Variants in ZNF831 observed in about 807,000 individuals in gnomAD.
ZNF831 encodes the protein chromosome 20 open reading frame 174.
A neutral mutation model predicts 95.8 loss-of-function variants in ZNF831; 59 were observed. The observed-to-expected ratio is 0.62, with a 90% CI of 0.50 to 0.77. The LOEUF (loss-of-function observed/expected upper bound fraction) is 0.77, where lower values mean the gene tolerates loss of function less well. Among genes scored for constraint, ZNF831 ranks in the 30% least tolerant of loss-of-function variants. The pLI is 0.00. For synonymous variants in ZNF831, 961 were observed against 925.5 expected (o/e 1.04, Z -0.70); for missense variants, 2,205 against 2,164.0 (o/e 1.02, Z -0.38).
intron 2 of ZNF831, among the ~76,000 whole-genome samples, chr20:59,195,625 T>C (rs990361958): frequency 6.6e-6 from 1 of 152,190 alleles, no homozygotes; most frequent in East Asian, 1.9e-4. Context: ...GGCCTCCAGT[T>C]AACACCGATG....
chr20:59,238,209 T>G (rs541084727), intron 4 of ZNF831, among the ~76,000 whole-genome samples: 19 of 152,278 alleles, frequency 1.2e-4, no homozygotes, highest in African/African-American at 4.6e-4. Context: ...CCTGATCAGT[T>G]TGGGCATTCC....
At chr20:59,238,851 CCT>C (rs35875036) in intron 4 of ZNF831, among the ~76,000 whole-genome samples, 61,439 of 151,834 alleles carry the variant, frequency 0.4, 12,590 homozygotes, top group South Asian at 0.65. Flanking sequence ...GATTTCTTTC[CCT>C]GAGATAAGTT....
intron 3 of ZNF831, among the ~76,000 whole-genome samples, chr20:59,200,742 C>CT (rs34023348): frequency 7.9e-5 from 12 of 151,564 alleles, no homozygotes; most frequent in South Asian, 2.1e-4. Context: ...TATATGCTCT[C>CT]TTTTTTTTGC....
In ZNF831 at chr20:59,253,082, C is replaced by T; in HGVS notation, c.4132C>T (p.Leu1378Phe). The T allele has an allele frequency of 1.2e-6, 2 of 1,614,094 alleles. No individual in the cohort carries two copies. The highest frequency in any genetic ancestry group is 1.7e-5 in the Admixed American group (1 of 60,018). ...TGACTGCAGACAAACCTTAGGAACC[C>T]TCTCTCTTGGTACAAGTTCAAGAAT... ...EGDCRQTLGT[L>F]SLGTSSRIVR... Residue 1378 changes from leucine (L) to phenylalanine (F), a missense_variant, in exon 5 of 6, where the codon CTC (leucine) becomes TTC (phenylalanine). Leu to Phe is a conservative substitution (Grantham distance 22). Coordinates refer to ENST00000371030, the MANE Select transcript of ZNF831 (RefSeq NM_178457.3).
At chr20:59,145,395 G>T (rs1336877198) in intron 1 of ZNF831, among the ~76,000 whole-genome samples, 1 of 152,180 alleles carries the variant, frequency 6.6e-6, no homozygotes, top group Non-Finnish European at 1.5e-5. Context: ...AGTAAAACAA[G>T]ATTCTTTATT....
rs2146765835 is a variant in ZNF831, at chr20:59,254,212, A to G, written c.4503A>G (p.Thr1501=). The G allele has an allele frequency of 6.2e-7, 1 of 1,614,158 alleles. No homozygotes were observed. Among genetic ancestry groups the G allele is most frequent in the Non-Finnish European group, 8.5e-7 (1 of 1,180,018 alleles). Residue 1501 remains threonine, a synonymous_variant, in exon 6 of 6, where the codon ACA becomes ACG. Transcript: ENST00000371030. This position sits in a 1 kb window ranked among gnomAD's most constrained non-coding sequence, Gnocchi z 4.5. The stretch of plus-strand genomic sequence containing the variant: ...TTTGTATTTCTCTGCCAGTGAGAAC[A>G]GATCACATAGCCCAGGAAATTCACA... ...AAVCISLPVR[T]DHIAQEIHSA... is the part of the protein sequence containing the mutation.
At chr20:59,129,049 C>G (rs888763614) in intron 1 of ZNF831, among the ~76,000 whole-genome samples, 3 of 152,180 alleles carry the variant, frequency 2.0e-5, no homozygotes, top group Admixed American at 6.5e-5. Context: ...TAGGCATGAG[C>G]CACCGTGCCT....
At chr20:59,229,377 G>C (rs749664930) in intron 4 of ZNF831, among the ~76,000 whole-genome samples, 1 of 152,154 alleles carries the variant, frequency 6.6e-6, no homozygotes, top group Non-Finnish European at 1.5e-5. Flanking sequence ...CATCACCTCT[G>C]TTGCATTCTG....
chr20:59,141,595 A>G (rs1371042537), intron 1 of ZNF831, among the ~76,000 whole-genome samples: 1 of 152,182 alleles, frequency 6.6e-6, no homozygotes, highest in African/African-American at 2.4e-5. Flanking sequence ...CTCCATTACC[A>G]TGGCCCTCTC....
At chr20:59,129,106 G>T (rs1979268833) in intron 1 of ZNF831, among the ~76,000 whole-genome samples, 1 of 152,184 alleles carries the variant, frequency 6.6e-6, no homozygotes, top group South Asian at 2.1e-4. Flanking sequence ...TACAAACGTG[G>T]TGCAGAGTTT....
Position 59,195,924 on chromosome 20 carries a change from A to C in ZNF831, c.3794A>C (p.Glu1265Ala), listed in dbSNP as rs529824649. ...CCCCAGCACCAGGTGTCTGAGCCAG[A>C]ATGGAAGAAAGGCCTGCCTTGGAGG... ...VMPQHQVSEP[E>A]WKKGLPWRAK... The change falls in exon 3 of 6, where the codon GAA becomes GCA. Residue 1265 changes from glutamate to alanine, a missense_variant. Transcript: ENST00000371030. The C allele has an allele frequency of 6.2e-7, 1 of 1,614,078 alleles. No homozygotes were observed. Among genetic ancestry groups the C allele is most frequent in the East Asian group, 2.2e-5 (1 of 44,890 alleles).
At position 59,188,687 on chromosome 20, in the gene ZNF831, T is replaced by TAAA. The variant is rs3041642; in HGVS notation, c.-36-2297_-36-2296insAAA. Among the ~76,000 whole-genome samples the TAAA allele has an allele frequency of 3.4e-3, 520 of 151,552 alleles. 2 individuals are homozygous for TAAA. Among genetic ancestry groups the TAAA allele is most frequent in the African/African-American group, 0.012 (500 of 41,174 alleles). ...ATAAATAAATAAATAAATAAATAAA[T>TAAA]TGGGTTGTCTTTTGTTATTGCATTG... On this transcript the variant is annotated intron_variant, in intron 1 of 5. Coordinates refer to ENST00000371030, the MANE Select transcript of ZNF831 (RefSeq NM_178457.3).
chr20:59,164,857 G>A (rs185219623), intron 1 of ZNF831, among the ~76,000 whole-genome samples: 7 of 152,178 alleles, frequency 4.6e-5, no homozygotes, highest in Non-Finnish European at 1.0e-4. Context: ...CTCCTTTCCC[G>A]TAGCAAATCT....
At position 59,193,353 on chromosome 20, in the gene ZNF831, AGTTT is replaced by A; in HGVS notation, c.2336_2339del (p.Val779GlyfsTer27). The A allele has an allele frequency of 6.2e-7, 1 of 1,610,678 alleles. No individual in the cohort carries two copies. The highest frequency in any genetic ancestry group is 8.5e-7 in the Non-Finnish European group (1 of 1,178,478). ...GGGGTGATGTAGAGGCTCCCAGGCC[AGTTT>A]GGCCGGACCCCAAGCTGGAAGGAGG... On this transcript the variant is annotated frameshift_variant, in exon 2 of 6. Coordinates refer to ENST00000371030, the MANE Select transcript of ZNF831 (RefSeq NM_178457.3). LOFTEE classifies it high-confidence loss of function.
chr20:59,210,602 G>A (rs575852277), intron 4 of ZNF831, among the ~76,000 whole-genome samples: 1 of 152,276 alleles, frequency 6.6e-6, no homozygotes, highest in African/African-American at 2.4e-5. Context: ...TGGTGACCCT[G>A]GGGGCCTCAG....
At chr20:59,178,951 C>A (rs774463089) in intron 1 of ZNF831, among the ~76,000 whole-genome samples, 7 of 152,172 alleles carry the variant, frequency 4.6e-5, no homozygotes, top group Non-Finnish European at 1.0e-4. Flanking sequence ...CAAATAAACA[C>A]CCAGTCTCCT....
chr20:59,209,993 T>C (rs966335206), intron 4 of ZNF831, among the ~76,000 whole-genome samples: 1 of 152,134 alleles, frequency 6.6e-6, no homozygotes, highest in African/African-American at 2.4e-5. Flanking sequence ...CTAACTCAGG[T>C]CATACCCATC....
chr20:59,145,662 G>A (rs898652853), intron 1 of ZNF831, among the ~76,000 whole-genome samples: 2 of 152,204 alleles, frequency 1.3e-5, no homozygotes, highest in African/African-American at 4.8e-5. Context: ...AGATATGGAA[G>A]CCCACACCCT....
intron 4 of ZNF831, among the ~76,000 whole-genome samples, chr20:59,245,717 G>C (rs1460059911): frequency 6.6e-6 from 1 of 152,174 alleles, no homozygotes; most frequent in Non-Finnish European, 1.5e-5. Flanking sequence ...TTCAAAGACT[G>C]TTCCTGGGCA....
Sources: gnomAD v4.1 joint callset for allele counts (sites outside exome capture counted in the v4.1 genomes callset) on GRCh38, gnomAD v4.1.1 for gene constraint, Gnocchi (gnomAD v3.1) non-coding constraint, MANE v1.5 for transcripts, NCBI Gene and HGNC (gene_info 2026-07-23, HGNC 2026-07-21) for gene names.